SLC5A4: variants seen among roughly 807,000 people sequenced by gnomAD.
SLC5A4 encodes probable glucose sensor protein SLC5A4.
Under a neutral mutation model 70.3 loss-of-function variants are expected in SLC5A4, and 55 were observed. That is an observed-to-expected ratio of 0.78 (90% confidence interval 0.63 to 0.98). The LOEUF (loss-of-function observed/expected upper bound fraction) is 0.98. Ranked by LOEUF, SLC5A4 falls within the 50% of genes least tolerant of loss-of-function variation. The pLI, the probability that SLC5A4 is intolerant of heterozygous loss-of-function variation, is 0.00. For missense variants in SLC5A4, 735 were observed against 839.2 expected (o/e 0.88, Z 1.53); for synonymous variants, 268 against 305.7 (o/e 0.88, Z 1.29).
At chr22:32,257,797 C>T (rs1490854252), upstream of SLC5A4, among the ~76,000 whole-genome samples, 1 of 151,720 alleles carries the variant, frequency 6.6e-6, no homozygotes, top group East Asian at 1.9e-4. Flanking sequence ...TCCCGAGTAG[C>T]TGGGATTACA....
chr22:32,329,610 T>C, the SLC5A4 span, among the ~76,000 whole-genome samples: 1 of 99,472 alleles, frequency 1.0e-5, no homozygotes, highest in African/African-American at 3.6e-5. Context: ...GGTGTGTGTG[T>C]TGGCTCTGGT....
the SLC5A4 span, among the ~76,000 whole-genome samples, chr22:32,299,424 C>G: frequency 9.3e-6 from 1 of 107,100 alleles, no homozygotes; most frequent in Non-Finnish European, 2.0e-5. Flanking sequence ...ATCGCTGACA[C>G]CCTTTCTTCC....
chr22:32,221,870 C>T (rs1603222517), intron 13 of SLC5A4, among the ~76,000 whole-genome samples: 1 of 152,192 alleles, frequency 6.6e-6, no homozygotes, highest in Non-Finnish European at 1.5e-5. Context: ...CCTGCCTCAG[C>T]CTCACGAGTA....
At chr22:32,257,437 C>T (rs1307409885), upstream of SLC5A4, among the ~76,000 whole-genome samples, 1 of 152,124 alleles carries the variant, frequency 6.6e-6, no homozygotes, top group Admixed American at 6.5e-5. Flanking sequence ...TCAGTGCAGC[C>T]TCAACCTCCT....
rs962743393 is a variant in SLC5A4 at position 32,232,937 on chromosome 22, A to G, written c.983T>C (p.Met328Thr). 31 of 1,614,066 alleles carry G rather than the reference A, an allele frequency of 1.9e-5. No individual in the cohort carries two copies. Among genetic ancestry groups the G allele is most frequent in the Non-Finnish European group, 2.3e-5 (27 of 1,180,044 alleles). ...GCGGCTGATCATCCCCGGCATCACCATGAGGAACATGGGCAGCAGCTTCAG... is the reference window on the plus strand; with the variant it reads ...GCGGCTGATCATCCCCGGCATCACCGTGAGGAACATGGGCAGCAGCTTCAG... ...AYLKLLPMFLMVMPGMISRIL... is the reference protein window; with the variant it reads ...AYLKLLPMFLTVMPGMISRIL... Residue 328 changes from methionine to threonine, a missense_variant, in exon 9 of 15, where the codon ATG (methionine) becomes ACG (threonine). Transcript: ENST00000266086.
the SLC5A4 span, among the ~76,000 whole-genome samples, chr22:32,325,637 A>T: frequency 0.38 from 58,064 of 152,088 alleles, 11,402 homozygotes; most frequent in East Asian, 0.64. Flanking sequence ...CTAATTCTCA[A>T]ACCGGCAAGA....
chr22:32,343,563 A>T, the SLC5A4 span, among the ~76,000 whole-genome samples: 427 of 152,284 alleles, frequency 2.8e-3, 4 homozygotes, highest in African/African-American at 9.8e-3. Flanking sequence ...TGAAAACATA[A>T]ATCTCTATTT....
At chr22:32,291,262 G>A in the SLC5A4 span, among the ~76,000 whole-genome samples, 7 of 141,648 alleles carry the variant, frequency 4.9e-5, no homozygotes, top group South Asian at 2.3e-4. Flanking sequence ...GCCACCCTCC[G>A]CCTCCCGGGT....
the SLC5A4 span, among the ~76,000 whole-genome samples, chr22:32,302,885 T>C: frequency 6.6e-6 from 1 of 152,232 alleles, no homozygotes; most frequent in African/African-American, 2.4e-5. Flanking sequence ...TTGGCAGGAA[T>C]TGGAGATAAC....
At chr22:32,334,384 T>G in the SLC5A4 span, among the ~76,000 whole-genome samples, 210 of 152,268 alleles carry the variant, frequency 1.4e-3, 1 homozygote, top group African/African-American at 4.8e-3. Context: ...ACCCTCGAGT[T>G]GTCCTCGTCC....
At chr22:32,308,807 T>C in the SLC5A4 span, among the ~76,000 whole-genome samples, 1 of 152,142 alleles carries the variant, frequency 6.6e-6, no homozygotes, top group Admixed American at 6.5e-5. Context: ...CATGCATGTG[T>C]GTGCATGCAC....
At chr22:32,298,221 G>A in the SLC5A4 span, among the ~76,000 whole-genome samples, 1 of 142,372 alleles carries the variant, frequency 7.0e-6, no homozygotes, top group Non-Finnish European at 1.5e-5. Flanking sequence ...TTGACTTTCT[G>A]TCTCGTTGAT....
At chr22:32,269,477 C>T in the SLC5A4 span, 1 of 541,612 alleles carries the variant, frequency 1.8e-6, no homozygotes. The surrounding 1 kb of genome is among the most constrained non-coding windows in gnomAD (Gnocchi z 4.1). Context: ...CCTGTTCGAG[C>T]CCAACCAGAC....
intron 14 of SLC5A4, among the ~76,000 whole-genome samples, chr22:32,220,012 G>C (rs542617349): frequency 8.3e-5 from 12 of 144,726 alleles, no homozygotes; most frequent in African/African-American, 2.9e-4. Flanking sequence ...ATATAAATTT[G>C]ATCAGTAATT....
the SLC5A4 span, among the ~76,000 whole-genome samples, chr22:32,352,244 G>GA: frequency 2.9e-5 from 4 of 136,206 alleles, no homozygotes. Flanking sequence ...CAGGAAGGGG[G>GA]ACATCACATA....
chr22:32,328,173 T>A, the SLC5A4 span, among the ~76,000 whole-genome samples: 1 of 151,972 alleles, frequency 6.6e-6, no homozygotes. Flanking sequence ...ACTTTTCCCT[T>A]CTGCCCTCAG....
At chr22:32,266,321 A>C in the SLC5A4 span, among the ~76,000 whole-genome samples, 233 of 152,300 alleles carry the variant, frequency 1.5e-3, no homozygotes, top group Middle Eastern at 6.8e-3. Context: ...GATCCGGACC[A>C]GGTCTCTTCA....
At chr22:32,288,404 C>T in the SLC5A4 span, among the ~76,000 whole-genome samples, 1 of 152,180 alleles carries the variant, frequency 6.6e-6, no homozygotes, top group Admixed American at 6.5e-5. Context: ...AACACTCTGT[C>T]TTTCATCATG....
the SLC5A4 span, among the ~76,000 whole-genome samples, chr22:32,275,276 A>T: frequency 6.6e-6 from 1 of 152,160 alleles, no homozygotes. Context: ...CACAACGTGC[A>T]GGTTTGTTAC....
Sources: allele counts gnomAD v4.1 joint callset (sites outside exome capture counted in the v4.1 genomes callset), GRCh38; gene constraint gnomAD v4.1.1; non-coding constraint Gnocchi (gnomAD v3.1); transcripts MANE v1.5; gene names NCBI Gene and HGNC (gene_info 2026-07-23, HGNC 2026-07-21).